Variants in PKP4 observed in about 807,000 individuals in gnomAD.
The protein encoded by PKP4 is plakophilin 4.
PKP4 carries 90 observed loss-of-function variants against 145.1 expected under a neutral mutation model. That is an observed-to-expected ratio of 0.62 (90% confidence interval 0.52 to 0.74). The LOEUF (loss-of-function observed/expected upper bound fraction) is 0.74. PKP4 is among the 30% of genes least tolerant of loss of function. The pLI is 0.00. For missense variants in PKP4, 1,340 were observed against 1,482.7 expected, an observed-to-expected ratio of 0.90 and a Z score of 1.58; for synonymous variants, 563 against 577.2, an observed-to-expected ratio of 0.98 and a Z score of 0.35.
chr2:158,473,538 TC>T (rs1448296995), intron 1 of PKP4, among the ~76,000 whole-genome samples: 2 of 152,176 alleles, frequency 1.3e-5, no homozygotes, highest in East Asian at 3.9e-4. Flanking sequence ...GCTATTATCC[TC>T]AGGAAACTAA....
intron 1 of PKP4, among the ~76,000 whole-genome samples, chr2:158,505,427 A>AT (rs5835712): frequency 6.6e-6 from 1 of 150,694 alleles, no homozygotes; most frequent in Non-Finnish European, 1.5e-5. Flanking sequence ...CTTAGGGGAA[A>AT]TCGGGAGATT....
intron 9 of PKP4, among the ~76,000 whole-genome samples, chr2:158,635,532 T>G (rs1463562558): frequency 6.6e-6 from 1 of 152,164 alleles, no homozygotes; most frequent in Non-Finnish European, 1.5e-5. Flanking sequence ...AGACCATCCC[T>G]TGGCTGGACC....
chr2:158,556,898 T>C (rs1050103759), intron 2 of PKP4, among the ~76,000 whole-genome samples: 1 of 152,204 alleles, frequency 6.6e-6, no homozygotes, highest in African/African-American at 2.4e-5. Flanking sequence ...TATATTATTT[T>C]TAAGAGATTA....
At chr2:158,680,181 T>G (rs1257230360) in intron 21 of PKP4, among the ~76,000 whole-genome samples, 4 of 152,214 alleles carry the variant, frequency 2.6e-5, no homozygotes, top group Non-Finnish European at 5.9e-5. Context: ...TCTCAGGCTT[T>G]CTTGAGGCAC....
At position 158,577,378 on chromosome 2, in the gene PKP4, C is replaced by A; in HGVS notation, c.240C>A (p.Ser80Arg). ...GAGCAGAATCACCAAGCATCGCCAG[C>A]ACCAGGTACAGGGCCAATGGCTCCA... ...RLGAESPSIA[S>R]TSSTEKSFPW... Residue 80 changes from serine to arginine, a missense_variant, in exon 3 of 22, where the codon AGC (serine) becomes AGA (arginine). Ser to Arg is a moderately radical substitution (Grantham distance 110). Transcript: ENST00000389759. 1 of 1,606,298 alleles carries A rather than the reference C, an allele frequency of 6.2e-7. No individual in the cohort carries two copies. Among genetic ancestry groups the A allele is most frequent in the Non-Finnish European group, 8.5e-7 (1 of 1,173,646 alleles).
chr2:158,549,106 A>G (rs1260874230), intron 2 of PKP4: 1 of 200,138 alleles, frequency 5.0e-6, no homozygotes, highest in African/African-American at 2.3e-5. Flanking sequence ...AATTACAATG[A>G]TAGATATGAT....
At chr2:158,467,544 C>A (rs1690818711) in intron 1 of PKP4, among the ~76,000 whole-genome samples, 1 of 52,692 alleles carries the variant, frequency 1.9e-5, no homozygotes, top group Non-Finnish European at 3.6e-5. Context: ...AGAGTGAGAC[C>A]TTGTCAAAAA....
rs753141079 is a variant in PKP4 at position 158,680,578 on chromosome 2, T to C, written c.3480T>C (p.Tyr1160=). The change falls in exon 22 of 22, where the codon TAT becomes TAC. Residue 1160 remains tyrosine, a synonymous_variant. Transcript: ENST00000389759. Reference sequence around the variant, plus strand: ...CTTCTACTGATTACTCAACACAGTATGGACTGAAATCGACCACAAATTATG... The same window carrying C: ...CTTCTACTGATTACTCAACACAGTACGGACTGAAATCGACCACAAATTATG... ...FPASTDYSTQ[Y]GLKSTTNYVD... is the part of the protein sequence containing the mutation. 16 of 1,613,942 alleles carry C rather than the reference T, an allele frequency of 9.9e-6. No homozygotes were observed. The highest frequency in any genetic ancestry group is 1.3e-5 in the African/African-American group (1 of 74,940).
At chr2:158,620,130 A>G (rs1216237983) in intron 4 of PKP4, among the ~76,000 whole-genome samples, 3 of 152,172 alleles carry the variant, frequency 2.0e-5, no homozygotes. Context: ...TTCTGAAAGA[A>G]AGTTTGTTAA....
intron 1 of PKP4, among the ~76,000 whole-genome samples, chr2:158,531,597 G>A (rs1251766332): frequency 6.6e-6 from 1 of 152,074 alleles, no homozygotes; most frequent in Non-Finnish European, 1.5e-5. Context: ...ATCTCAATAA[G>A]CATTCCACAT....
chr2:158,542,916 GAGACTAAC>G (rs1362265432), intron 2 of PKP4, among the ~76,000 whole-genome samples: 17 of 152,132 alleles, frequency 1.1e-4, no homozygotes, highest in African/African-American at 4.1e-4. Flanking sequence ...AATCCAATAG[GAGACTAAC>G]AGCTAACAAT....
In PKP4 at chr2:158,631,948, A is replaced by G; in HGVS notation, c.1342+7A>G. 1 of 1,612,618 alleles carries G rather than the reference A, an allele frequency of 6.2e-7. No individual in the cohort carries two copies. The highest frequency in any genetic ancestry group is 1.1e-5 in the South Asian group (1 of 91,036). On this transcript the variant is annotated splice_region_variant and intron_variant, in intron 8 of 21. Coordinates refer to ENST00000389759, the MANE Select transcript of PKP4 (RefSeq NM_003628.6). ...TTGTATCGCACAGGTTCAGGTGGGC[A>G]TCAACTCTGTTTACTGGTTTCCTGA... is the stretch of plus-strand genomic sequence containing the variant.
At chr2:158,658,015 G>T in intron 11 of PKP4, 116 bp from the exon 12 acceptor site, 1 of 665,898 alleles carries the variant, frequency 1.5e-6, no homozygotes, top group Non-Finnish European at 2.6e-6. Flanking sequence ...GCAAATATAG[G>T]CCATAGATTA....
chr2:158,590,217 A>G (rs951495303), intron 3 of PKP4, among the ~76,000 whole-genome samples: 3 of 152,030 alleles, frequency 2.0e-5, no homozygotes, highest in Admixed American at 6.6e-5. Context: ...TTTCACAGCT[A>G]AAAAAACTCC....
chr2:158,538,665 A>T (rs1314275901), intron 2 of PKP4, among the ~76,000 whole-genome samples: 2 of 150,320 alleles, frequency 1.3e-5, no homozygotes, highest in Non-Finnish European at 3.0e-5. Context: ...TCAGCCTCCC[A>T]AGAGTAGCTG....
At chr2:158,669,419 G>A (rs1342070275) in intron 16 of PKP4, 3 of 216,626 alleles carry the variant, frequency 1.4e-5, no homozygotes, top group Non-Finnish European at 2.7e-5. Context: ...GAAAATACTC[G>A]AACGAAAGTA....
At chr2:158,677,946 A>ATCTTTGCTAGCCTTAATAATAAT (rs2058149302) in intron 20 of PKP4, among the ~76,000 whole-genome samples, 1 of 152,172 alleles carries the variant, frequency 6.6e-6, no homozygotes, top group African/African-American at 2.4e-5. Context: ...AAAAATAAAA[A>ATCTTTGCTAGCCTTAATAATAAT]TCTTTGCTAG....
chr2:158,592,265 ATT>A (rs1030830813), intron 3 of PKP4, among the ~76,000 whole-genome samples: 1 of 152,050 alleles, frequency 6.6e-6, no homozygotes, highest in Non-Finnish European at 1.5e-5. Flanking sequence ...TTTCAGAGGG[ATT>A]TAAAACATTC....
At chr2:158,512,356 A>C (rs185315544) in intron 1 of PKP4, among the ~76,000 whole-genome samples, 15 of 152,348 alleles carry the variant, frequency 9.8e-5, no homozygotes, top group African/African-American at 3.6e-4. Context: ...AAACCCATGA[A>C]TATTGAAAGA....
Sources: gnomAD v4.1 joint callset for allele counts (sites outside exome capture counted in the v4.1 genomes callset) on GRCh38, gnomAD v4.1.1 for gene constraint, MANE v1.5 for transcripts, NCBI Gene and HGNC (gene_info 2026-07-23, HGNC 2026-07-21) for gene names.